BLTP3B: variants seen among roughly 807,000 people sequenced by gnomAD.
BLTP3B encodes the protein bridge-like lipid transfer protein family member 3B.
At chr12:100,046,969 T>C in the BLTP3B span, among the ~76,000 whole-genome samples, 1 of 152,286 alleles carries the variant, frequency 6.6e-6, no homozygotes, top group East Asian at 1.9e-4. Context: ...TCTCTCACTT[T>C]CTACAACATT....
the BLTP3B span, among the ~76,000 whole-genome samples, chr12:100,056,515 A>T: frequency 1.3e-5 from 2 of 151,988 alleles, no homozygotes; most frequent in Admixed American, 1.3e-4. Flanking sequence ...CTTTTCATCT[A>T]AATCAGTGGG....
the BLTP3B span, chr12:100,059,311 T>C: frequency 9.9e-6 from 16 of 1,613,900 alleles, no homozygotes; most frequent in African/African-American, 2.7e-5. Flanking sequence ...CTCTGGAAAA[T>C]TGGATGTAGA....
the BLTP3B span, among the ~76,000 whole-genome samples, chr12:100,131,033 G>GAGAGAGAT: frequency 8.8e-6 from 1 of 113,312 alleles, no homozygotes; most frequent in Non-Finnish European, 1.8e-5. Context: ...GAGAGAGAGA[G>GAGAGAGAT]AAAGAGTTTT....
the BLTP3B span, chr12:100,084,370 T>C: frequency 7.9e-6 from 9 of 1,132,580 alleles, no homozygotes; most frequent in Non-Finnish European, 1.1e-5. Context: ...TTACAGGAAA[T>C]ACTATGATCA....
chr12:100,072,631 T>C, the BLTP3B span: 1 of 1,423,850 alleles, frequency 7.0e-7, no homozygotes, highest in Non-Finnish European at 9.3e-7. Flanking sequence ...AAAAAATACT[T>C]TCTCAAATAA....
At chr12:100,099,381 A>C in the BLTP3B span, among the ~76,000 whole-genome samples, 6 of 151,594 alleles carry the variant, frequency 4.0e-5, no homozygotes, top group Non-Finnish European at 7.4e-5. Context: ...TAATCTCAGC[A>C]CTTTGGGAGG....
the BLTP3B span, chr12:100,072,823 T>G: frequency 6.3e-7 from 1 of 1,581,310 alleles, no homozygotes; most frequent in African/African-American, 1.4e-5. Flanking sequence ...CCTGAAAAGA[T>G]AAATAAGTTT....
chr12:100,138,650 G>A, the BLTP3B span, among the ~76,000 whole-genome samples: 1 of 152,194 alleles, frequency 6.6e-6, no homozygotes, highest in African/African-American at 2.4e-5. Context: ...TGACTCCACC[G>A]AGGTGAGGTG....
chr12:100,050,271 G>A, the BLTP3B span: 3 of 1,610,876 alleles, frequency 1.9e-6, no homozygotes, highest in Admixed American at 1.7e-5. Flanking sequence ...CCCCTCGGAT[G>A]TCAATTTCCC....
chr12:100,089,481 A>G, the BLTP3B span, among the ~76,000 whole-genome samples: 3 of 152,000 alleles, frequency 2.0e-5, no homozygotes, highest in African/African-American at 7.3e-5. Flanking sequence ...AATCACTTGA[A>G]CCCGGGAGAC....
chr12:100,047,846 T>C, the BLTP3B span: 7 of 1,211,604 alleles, frequency 5.8e-6, no homozygotes, highest in East Asian at 2.6e-5. Context: ...TAAATGCTGA[T>C]AGAATATATT....
the BLTP3B span, among the ~76,000 whole-genome samples, chr12:100,093,425 C>T: frequency 6.6e-6 from 1 of 152,180 alleles, no homozygotes; most frequent in Non-Finnish European, 1.5e-5. Flanking sequence ...AAAAAAATTA[C>T]TTTAATAATC....
the BLTP3B span, chr12:100,072,658 A>T: frequency 3.4e-6 from 5 of 1,483,282 alleles, no homozygotes; most frequent in Non-Finnish European, 4.5e-6. Context: ...AATAATAATT[A>T]AAAACTCTCT....
the BLTP3B span, among the ~76,000 whole-genome samples, chr12:100,078,480 C>T: frequency 6.6e-6 from 1 of 152,150 alleles, no homozygotes; most frequent in Non-Finnish European, 1.5e-5. Context: ...CCTGACACCA[C>T]AGCTGATAGT....
the BLTP3B span, among the ~76,000 whole-genome samples, chr12:100,049,432 CAAAT>C: frequency 6.6e-6 from 1 of 151,996 alleles, no homozygotes; most frequent in Non-Finnish European, 1.5e-5. Flanking sequence ...TTAAACAGGT[CAAAT>C]ATATGCATGT....
the BLTP3B span, among the ~76,000 whole-genome samples, chr12:100,079,604 G>A: frequency 6.6e-6 from 1 of 152,158 alleles, no homozygotes; most frequent in African/African-American, 2.4e-5. Flanking sequence ...AAAATTTGCA[G>A]CCTGACAATG....
the BLTP3B span, among the ~76,000 whole-genome samples, chr12:100,117,657 C>T: frequency 2.0e-5 from 3 of 151,844 alleles, no homozygotes; most frequent in Admixed American, 1.3e-4. Flanking sequence ...AGCACCACCA[C>T]GTCCAGCTCA....
chr12:100,112,192 A>T, the BLTP3B span, among the ~76,000 whole-genome samples: 1 of 152,218 alleles, frequency 6.6e-6, no homozygotes, highest in South Asian at 2.1e-4. Flanking sequence ...AAATATATGT[A>T]ATTTAGCCAG....
the BLTP3B span, among the ~76,000 whole-genome samples, chr12:100,047,221 G>T: frequency 6.6e-6 from 1 of 152,146 alleles, no homozygotes; most frequent in Non-Finnish European, 1.5e-5. Flanking sequence ...TCATCGGCTG[G>T]GCGAGGTGGC....
Sources: allele counts gnomAD v4.1 joint callset (sites outside exome capture counted in the v4.1 genomes callset), GRCh38; gene constraint gnomAD v4.1.1; transcripts MANE v1.5; gene names NCBI Gene and HGNC (gene_info 2026-07-23, HGNC 2026-07-21).